The following RAD18 variants were observed in gnomAD, a reference collection of about 807,000 sequenced individuals.
RAD18 encodes RAD18 E3 ubiquitin protein ligase, also known as E3 ubiquitin-protein ligase RAD18.
In RAD18, 47 loss-of-function variants were observed where a neutral mutation model predicts 60.4. That is an observed-to-expected ratio of 0.78 (90% CI 0.62 to 0.99). The LOEUF (loss-of-function observed/expected upper bound fraction) is 0.99. Among genes scored for constraint, RAD18 ranks in the 50% least tolerant of loss-of-function variants. The pLI, the probability that RAD18 is intolerant of heterozygous loss-of-function variation, is 0.00. For synonymous variants in RAD18, 225 were observed against 195.5 expected, an observed-to-expected ratio of 1.15 and a Z score of -1.26; for missense variants, 640 against 593.3, an observed-to-expected ratio of 1.08 and a Z score of -0.82.
At chr3:8,890,584 G>A in intron 11 of RAD18, 133 bp from the exon 12 acceptor site, 1 of 603,562 alleles carries the variant, frequency 1.7e-6, no homozygotes, top group Non-Finnish European at 2.9e-6. Context: ...TAAGAGGAAG[G>A]AGGGAGAGTG....
Position 8,948,564 on chromosome 3 carries a change from G to C in RAD18, c.140C>G (p.Ser47Cys), listed in dbSNP as rs930020404. The change falls in exon 3 of 13, where the codon TCT becomes TGT. Residue 47 changes from serine (S) to cysteine (C), a missense_variant. Ser to Cys is a moderately radical substitution (Grantham distance 112). Coordinates refer to ENST00000264926, the MANE Select transcript of RAD18 (RefSeq NM_020165.4). Reference sequence around the variant, plus strand: ...GGACAGAAATTTTCTTATACAGAGAGAGCAGTCTGCAAAACACAAAGTGCA... The same window carrying C: ...GGACAGAAATTTTCTTATACAGAGACAGCAGTCTGCAAAACACAAAGTGCA... ...IIPQCSHNYC[S>C]LCIRKFLSYK... The C allele has an allele frequency of 1.9e-6, 3 of 1,610,772 alleles. No homozygotes were observed. Among genetic ancestry groups the C allele is most frequent in the Middle Eastern group, 1.7e-4 (1 of 6,022 alleles).
intron 7 of RAD18, 129 bp downstream of exon 7, chr3:8,935,742 A>T: frequency 3.5e-6 from 3 of 853,530 alleles, no homozygotes; most frequent in Non-Finnish European, 5.1e-6. Flanking sequence ...TTTTGAAGGA[A>T]CACATTTGCA....
At chr3:8,952,715 T>TA (rs1940946144) in intron 2 of RAD18, among the ~76,000 whole-genome samples, 2 of 152,194 alleles carry the variant, frequency 1.3e-5, no homozygotes, top group African/African-American at 4.8e-5. Flanking sequence ...TATTAACTCT[T>TA]TCGATCCTCA....
Position 8,963,458 on chromosome 3 carries a change from G to C in RAD18, c.-73C>G. ...GCTCCAACACCACTCGAAATTCCCC[G>C]CGCTACCGCATTACGTCAGCAGCCC... On this transcript the variant is annotated 5_prime_UTR_variant, in exon 1 of 13. Coordinates refer to ENST00000264926, the MANE Select transcript of RAD18 (RefSeq NM_020165.4). 1 of 1,400,324 alleles carries C rather than the reference G, an allele frequency of 7.1e-7. No homozygotes were observed. The highest frequency in any genetic ancestry group is 9.8e-7 in the Non-Finnish European group (1 of 1,022,140). The allele number at this position is 1,400,324 out of a possible 1,614,324, so 86.7% of individuals were successfully genotyped here.
chr3:8,940,407 C>T (rs185014209), intron 5 of RAD18, among the ~76,000 whole-genome samples: 1 of 151,852 alleles, frequency 6.6e-6, no homozygotes, highest in Non-Finnish European at 1.5e-5. Flanking sequence ...TAAGAACTGT[C>T]AATTGGTAAA....
At chr3:8,900,555 T>C (rs1216225946) in intron 10 of RAD18, among the ~76,000 whole-genome samples, 1 of 152,196 alleles carries the variant, frequency 6.6e-6, no homozygotes, top group Non-Finnish European at 1.5e-5. Context: ...TCCTTCCTAC[T>C]TGCCCTTAGA....
chr3:8,894,845 C>T lies in RAD18; in HGVS notation c.1322+4049G>A, dbSNP rs144934348. Among the ~76,000 whole-genome samples the T allele has an allele frequency of 6.0e-5, 9 of 149,364 alleles. No homozygotes were observed. In the East Asian group the frequency reaches 1.8e-3, roughly 30 times the overall value. Reference sequence around the variant, plus strand: ...GCGCGATATCGGCTCACAGCAACCTCCGCCTCCCACGTTCAAGCAATTCTG... The same window carrying T: ...GCGCGATATCGGCTCACAGCAACCTTCGCCTCCCACGTTCAAGCAATTCTG... On this transcript the variant is annotated intron_variant, in intron 11 of 12. Coordinates refer to ENST00000264926, the MANE Select transcript of RAD18 (RefSeq NM_020165.4).
At chr3:8,920,391 T>G (rs941525756) in intron 7 of RAD18, among the ~76,000 whole-genome samples, 1 of 152,046 alleles carries the variant, frequency 6.6e-6, no homozygotes, top group East Asian at 1.9e-4. Context: ...AATGCTAAAG[T>G]TGAAAAATCA....
In RAD18 at chr3:8,902,616, G is replaced by A. The variant is rs45453492; in HGVS notation, c.1028-96C>T. The A allele has an allele frequency of 4.4e-3, 5,476 of 1,258,772 alleles. 154 individuals carry two copies. In the African/African-American group the frequency reaches 0.071, roughly 16 times the overall value. 78.0% of individuals were successfully genotyped at this position (1,258,772 alleles called of 1,614,324 possible). On this transcript the variant is annotated intron_variant, in intron 9 of 12. Transcript: ENST00000264926. ...ATATCAAGAGGTGTACAAGGGATGG[G>A]CATGGTGGCTTACGCCTGTAATCCC...
intron 10 of RAD18, among the ~76,000 whole-genome samples, chr3:8,899,653 AC>A (rs1939867688): frequency 6.6e-6 from 1 of 152,130 alleles, no homozygotes; most frequent in Non-Finnish European, 1.5e-5. Context: ...AAAAATAAAG[AC>A]CCCAAAAAGC....
chr3:8,890,364 T>G, intron 12 of RAD18, 25 bp downstream of exon 12: 1 of 1,529,706 alleles, frequency 6.5e-7, no homozygotes, highest in South Asian at 1.1e-5. Context: ...AAGTGCATGC[T>G]TATTTCATGA....
chr3:8,890,597 G>A (rs922437957), intron 11 of RAD18, 146 bp from the exon 12 acceptor site: 3 of 563,954 alleles, frequency 5.3e-6, no homozygotes. Flanking sequence ...GGAGAGTGGG[G>A]GTGGGCAAGG....
chr3:8,924,836 G>C (rs1367553302), intron 7 of RAD18, among the ~76,000 whole-genome samples: 66 of 129,078 alleles, frequency 5.1e-4, no homozygotes, highest in East Asian at 1.6e-3. Flanking sequence ...AATGAAGGCA[G>C]AAATAAAGAT....
intron 11 of RAD18, among the ~76,000 whole-genome samples, chr3:8,894,991 G>T (rs951520612): frequency 1.3e-5 from 2 of 151,942 alleles, no homozygotes; most frequent in African/African-American, 2.4e-5. Context: ...CTGACTTCAG[G>T]TGATCCACCT....
intron 1 of RAD18, among the ~76,000 whole-genome samples, chr3:8,962,824 T>A (rs1329425779): frequency 6.6e-6 from 1 of 152,124 alleles, no homozygotes; most frequent in African/African-American, 2.4e-5. Flanking sequence ...AGTGAAGGTG[T>A]GTTAGAGAGG....
intron 7 of RAD18, among the ~76,000 whole-genome samples, chr3:8,915,969 G>A (rs1182214813): frequency 6.6e-6 from 1 of 152,158 alleles, no homozygotes; most frequent in Non-Finnish European, 1.5e-5. Flanking sequence ...CAGCAAATTA[G>A]AAAAGATCTT....
intron 1 of RAD18, among the ~76,000 whole-genome samples, chr3:8,960,380 A>T (rs562151726): frequency 6.6e-6 from 1 of 152,344 alleles, no homozygotes; most frequent in South Asian, 2.1e-4. Context: ...ACAAGAAGTC[A>T]TAAATAATGA....
intron 10 of RAD18, among the ~76,000 whole-genome samples, chr3:8,899,641 A>T (rs1374726138): frequency 1.3e-5 from 2 of 152,222 alleles, no homozygotes; most frequent in Non-Finnish European, 2.9e-5. Flanking sequence ...CTTATTGCAG[A>T]TAAAAATAAA....
At chr3:8,892,110 A>C (rs1327028621) in intron 11 of RAD18, among the ~76,000 whole-genome samples, 2 of 152,234 alleles carry the variant, frequency 1.3e-5, no homozygotes, top group African/African-American at 4.8e-5. Flanking sequence ...CAAGACATTT[A>C]AAAAATCTTC....
Sources: allele counts gnomAD v4.1 joint callset (sites outside exome capture counted in the v4.1 genomes callset), GRCh38; gene constraint gnomAD v4.1.1; transcripts MANE v1.5; gene names NCBI Gene and HGNC (gene_info 2026-07-23, HGNC 2026-07-21).